Variants in WDR7 observed in about 807,000 individuals in gnomAD.
WDR7 encodes WD repeat-containing protein 7.
A neutral mutation model predicts 169.4 loss-of-function variants in WDR7; 46 were observed. The ratio of observed to expected loss-of-function variants is 0.27; its 90% CI spans 0.21 to 0.35. WDR7 has a LOEUF of 0.35. Ranked by LOEUF, WDR7 falls within the 10% of genes least tolerant of loss-of-function variation. The pLI, the probability that WDR7 is intolerant of heterozygous loss-of-function variation, is 1.00. For missense variants in WDR7, 1,534 were observed against 1,859.3 expected (o/e 0.83, Z 3.22); for synonymous variants, 612 against 666.8 (o/e 0.92, Z 1.27).
intron 19 of WDR7, among the ~76,000 whole-genome samples, chr18:56,789,611 G>T (rs938238326): frequency 6.6e-6 from 1 of 152,198 alleles, no homozygotes; most frequent in Non-Finnish European, 1.5e-5. Flanking sequence ...ATTTTCACCT[G>T]CCTCTCTCTC....
intron 1 of WDR7, among the ~76,000 whole-genome samples, chr18:56,659,146 C>G (rs1025865946): frequency 2.0e-5 from 3 of 151,968 alleles, no homozygotes; most frequent in African/African-American, 7.3e-5. Context: ...TCACGATAGA[C>G]TAAAAGAGGC....
intron 27 of WDR7, 93 bp downstream of exon 27, chr18:57,020,942 T>C: frequency 9.2e-7 from 1 of 1,091,722 alleles, no homozygotes; most frequent in Non-Finnish European, 1.4e-6. Context: ...CCGGCCCTCC[T>C]TCCTGTCCTC....
At chr18:56,984,657 G>T (rs936690915) in intron 26 of WDR7, among the ~76,000 whole-genome samples, 17 of 152,214 alleles carry the variant, frequency 1.1e-4, no homozygotes, top group East Asian at 1.9e-4. Flanking sequence ...AAGTCATTAT[G>T]TCTTAATCCC....
chr18:56,931,608 T>A (rs937488323), intron 22 of WDR7, among the ~76,000 whole-genome samples: 1 of 151,914 alleles, frequency 6.6e-6, no homozygotes, highest in Admixed American at 6.6e-5. Context: ...TGTGCAGAGT[T>A]CATAATATAA....
chr18:56,668,994 T>C (rs1205609523), intron 1 of WDR7, among the ~76,000 whole-genome samples: 1 of 151,814 alleles, frequency 6.6e-6, no homozygotes, highest in African/African-American at 2.4e-5. Flanking sequence ...TCTTATGACA[T>C]CTTTCTGAGA....
At chr18:56,725,257 T>G (rs1432531154) in intron 13 of WDR7, among the ~76,000 whole-genome samples, 1 of 150,792 alleles carries the variant, frequency 6.6e-6, no homozygotes, top group South Asian at 2.1e-4. Context: ...TGAACTAGTT[T>G]ACAGTCCCCC....
intron 20 of WDR7, among the ~76,000 whole-genome samples, chr18:56,833,370 A>G (rs927113992): frequency 1.3e-5 from 2 of 152,098 alleles, no homozygotes; most frequent in Non-Finnish European, 1.5e-5. Context: ...CTATGGGAGG[A>G]ATAGCATTAG....
chr18:56,913,357 C>T (rs1386378102), intron 21 of WDR7, among the ~76,000 whole-genome samples: 6 of 152,120 alleles, frequency 3.9e-5, no homozygotes, highest in Non-Finnish European at 2.9e-5. Context: ...CTCTTATTAT[C>T]GTTTCACTAC....
chr18:56,893,914 A>G (rs2046297671), intron 21 of WDR7, among the ~76,000 whole-genome samples: 1 of 151,998 alleles, frequency 6.6e-6, no homozygotes, highest in Non-Finnish European at 1.5e-5. Flanking sequence ...TGAAAACTAG[A>G]TGTTATATAG....
At chr18:56,748,954 C>T (rs1599013328) in intron 14 of WDR7, among the ~76,000 whole-genome samples, 1 of 150,930 alleles carries the variant, frequency 6.6e-6, no homozygotes, top group East Asian at 1.9e-4. Context: ...CTCCTTCTTC[C>T]TTCCTTCCTT....
In WDR7 at chr18:56,911,329, C is replaced by T. The variant is rs17090410; in HGVS notation, c.3527-12593C>T. On this transcript the variant is annotated intron_variant, in intron 21 of 27. Transcript: ENST00000254442. ...GTTGATGTTTTTGTCAATATTAATT[C>T]GTTCATTTAAGCCAAGTCAAAGCTT... 2.6e-3 allele frequency among the ~76,000 whole-genome samples: 399 copies of T among 152,230 alleles called. 1 individual carries two copies. The highest frequency in any genetic ancestry group is 9.2e-3 in the African/African-American group (383 of 41,526).
intron 26 of WDR7, among the ~76,000 whole-genome samples, chr18:56,989,364 T>C (rs942713872): frequency 1.3e-5 from 2 of 152,186 alleles, no homozygotes; most frequent in African/African-American, 4.8e-5. Flanking sequence ...TGAATTATCT[T>C]ATGGCTTTAA....
chr18:56,844,626 G>A (rs760707304), intron 20 of WDR7, among the ~76,000 whole-genome samples: 5 of 152,148 alleles, frequency 3.3e-5, no homozygotes, highest in African/African-American at 9.7e-5. Flanking sequence ...AAGAGCTACC[G>A]CTCTGCAGCC....
intron 20 of WDR7, among the ~76,000 whole-genome samples, chr18:56,866,249 A>G (rs565638060): frequency 3.9e-5 from 6 of 152,246 alleles, no homozygotes; most frequent in Admixed American, 3.9e-4. Flanking sequence ...AAATTTTAAA[A>G]TTCAGCCAGT....
At chr18:56,664,564 A>G (rs1598943915) in intron 1 of WDR7, among the ~76,000 whole-genome samples, 1 of 151,788 alleles carries the variant, frequency 6.6e-6, no homozygotes, top group African/African-American at 2.4e-5. Context: ...TTTTTCCTCA[A>G]AAGAGTTAAA....
At chr18:57,013,862 CT>C (rs1441292052) in intron 26 of WDR7, among the ~76,000 whole-genome samples, 1 of 152,234 alleles carries the variant, frequency 6.6e-6, no homozygotes, top group Non-Finnish European at 1.5e-5. Flanking sequence ...ATGCCAACAA[CT>C]GTACGAGTTT....
intron 14 of WDR7, among the ~76,000 whole-genome samples, chr18:56,740,054 G>A (rs543995790): frequency 1.5e-4 from 22 of 151,510 alleles, no homozygotes; most frequent in Admixed American, 1.4e-3. Flanking sequence ...TCCTTTGCCC[G>A]TTTTTAAAAA....
chr18:56,862,480 C>A (rs1353923724), intron 20 of WDR7, among the ~76,000 whole-genome samples: 2 of 151,420 alleles, frequency 1.3e-5, no homozygotes, highest in African/African-American at 2.4e-5. Flanking sequence ...ATTTATATAA[C>A]ATTACCTATA....
At chr18:56,816,915 A>C (rs1260007034) in intron 20 of WDR7, among the ~76,000 whole-genome samples, 1 of 152,220 alleles carries the variant, frequency 6.6e-6, no homozygotes, top group African/African-American at 2.4e-5. Flanking sequence ...AACAAATATT[A>C]ATTTAATAGT....
Sources: allele counts gnomAD v4.1 joint callset (sites outside exome capture counted in the v4.1 genomes callset), GRCh38; gene constraint gnomAD v4.1.1; transcripts MANE v1.5; gene names NCBI Gene and HGNC (gene_info 2026-07-23, HGNC 2026-07-21).